The following NRXN3 variants were observed in gnomAD, a reference collection of about 807,000 sequenced individuals.
NRXN3 encodes the protein neurexin III.
Under a neutral mutation model 137.6 loss-of-function variants are expected in NRXN3, and 32 were observed. That is an observed-to-expected ratio of 0.23 (90% CI 0.18 to 0.31). The LOEUF (loss-of-function observed/expected upper bound fraction) is 0.31, where lower values mean the gene tolerates loss of function less well. Among genes scored for constraint, NRXN3 ranks in the 10% least tolerant of loss-of-function variants. NRXN3 has a pLI of 1.00. For synonymous variants in NRXN3, 798 were observed against 784.5 expected (o/e 1.02, Z -0.29); for missense variants, 1,574 against 2,062.5 (o/e 0.76, Z 4.59).
intron 15 of NRXN3, among the ~76,000 whole-genome samples, chr14:79,340,160 G>GGTGT (rs10533702): frequency 2.4e-3 from 357 of 146,722 alleles, no homozygotes; most frequent in African/African-American, 7.9e-3. Context: ...TGAATTTAAG[G>GGTGT]GTGTGTGTGT....
intron 15 of NRXN3, among the ~76,000 whole-genome samples, chr14:79,440,726 C>T (rs562460632): frequency 1.3e-5 from 2 of 152,204 alleles, no homozygotes; most frequent in East Asian, 1.9e-4. Context: ...ATTTTAAAAA[C>T]GACCACACTT....
At chr14:78,949,357 C>T (rs61994058) in intron 10 of NRXN3, among the ~76,000 whole-genome samples, 4,203 of 152,204 alleles carry the variant, frequency 0.028, 95 homozygotes, top group African/African-American at 0.051. Flanking sequence ...TTTCCTGAAT[C>T]GGTTCAATCT....
intron 4 of NRXN3, among the ~76,000 whole-genome samples, chr14:78,323,952 T>C (rs2079719684): frequency 6.6e-6 from 1 of 152,028 alleles, no homozygotes. Context: ...GTGCCAAGGA[T>C]GGAGTGCTTC....
chr14:79,377,026 A>T (rs1443047148), intron 15 of NRXN3, among the ~76,000 whole-genome samples: 1 of 152,220 alleles, frequency 6.6e-6, no homozygotes, highest in African/African-American at 2.4e-5. Flanking sequence ...TGAATATTCC[A>T]TTGGCTGACT....
intron 4 of NRXN3, among the ~76,000 whole-genome samples, chr14:78,391,603 G>A (rs965891565): frequency 6.6e-6 from 1 of 152,086 alleles, no homozygotes; most frequent in Non-Finnish European, 1.5e-5. Flanking sequence ...TATGCACTCA[G>A]CAAGGTGCTA....
chr14:79,862,011 C>A lies in NRXN3; in HGVS notation c.*47C>A. 2 of 1,434,580 alleles carry A rather than the reference C, an allele frequency of 1.4e-6. No individual in the cohort carries two copies. Among genetic ancestry groups the A allele is most frequent in the South Asian group, 1.3e-5 (1 of 75,694 alleles). The allele number at this position is 1,434,580 out of a possible 1,614,324, so 88.9% of individuals were successfully genotyped here. A position where few individuals can be genotyped will look rare whatever the true frequency, so the allele number is the denominator to read the frequency against. ...GCGAGTTTTCACAGTTATTTCTATC[C>A]ACGCCTATGAATCTTTGGACGGTGA... On this transcript the variant is annotated 3_prime_UTR_variant, in exon 21 of 21. Transcript: ENST00000335750.
intron 15 of NRXN3, among the ~76,000 whole-genome samples, chr14:79,096,211 A>T (rs556956547): frequency 6.6e-6 from 1 of 151,296 alleles, no homozygotes; most frequent in South Asian, 2.1e-4. Context: ...GGGTTCAAGC[A>T]GTTCTCCTGC....
intron 4 of NRXN3, among the ~76,000 whole-genome samples, chr14:78,456,822 T>TTTCC (rs1213895508): frequency 2.6e-4 from 33 of 125,444 alleles, no homozygotes; most frequent in Non-Finnish European, 1.8e-4. Context: ...TCTTTCTTTC[T>TTTCC]TTCTTTCTTT....
rs867338830 is a variant in NRXN3, at chr14:78,943,645, T to A, written c.2276-13597T>A. ...AAATATATATATATATATATATATA[T>A]ATATATATATATATATATATATATA... On this transcript the variant is annotated intron_variant, in intron 10 of 20. Coordinates refer to ENST00000335750, the MANE Select transcript of NRXN3 (RefSeq NM_001330195.2). Among the ~76,000 whole-genome samples, 139 of 51,068 alleles carry A rather than the reference T, an allele frequency of 2.7e-3. 12 individuals carry two copies. The highest frequency in any genetic ancestry group is 0.021 in the East Asian group (25 of 1,190). 33.5% of individuals were successfully genotyped at this position (51,068 alleles called of 152,430 possible).
At chr14:79,219,724 T>A (rs1204280787) in intron 15 of NRXN3, among the ~76,000 whole-genome samples, 3 of 149,530 alleles carry the variant, frequency 2.0e-5, no homozygotes, top group Non-Finnish European at 1.5e-5. Flanking sequence ...TGTTTCTATA[T>A]CTGACGGTCA....
Position 78,419,961 on chromosome 14 carries a change from G to GCACACACACACA in NRXN3, c.757+122115_757+122126dup, listed in dbSNP as rs1256574515. ...CACGTGTGTGCGCGCGCGCGCGCAC[G>GCACACACACACA]CACACACACACACACACACACACAC... On this transcript the variant is annotated intron_variant, in intron 4 of 20. Transcript: ENST00000335750. Among the ~76,000 whole-genome samples the GCACACACACACA allele has an allele frequency of 8.8e-3, 434 of 49,228 alleles. 14 individuals carry two copies. The South Asian group carries it at 0.089, about 10-fold the overall frequency. 32.3% of individuals were successfully genotyped at this position (49,228 alleles called of 152,430 possible).
At chr14:79,422,347 G>A (rs1224710651) in intron 15 of NRXN3, among the ~76,000 whole-genome samples, 3 of 152,096 alleles carry the variant, frequency 2.0e-5, no homozygotes, top group Admixed American at 1.3e-4. Context: ...ACAGGCATGA[G>A]CCACCAGGCC....
chr14:78,558,066 G>A (rs1200058345), intron 4 of NRXN3, among the ~76,000 whole-genome samples: 2 of 152,246 alleles, frequency 1.3e-5, no homozygotes, highest in African/African-American at 4.8e-5. Context: ...GTAAGTGGTA[G>A]AGCAGCATTT....
At chr14:79,670,185 C>G (rs552135277) in intron 17 of NRXN3, among the ~76,000 whole-genome samples, 5 of 152,150 alleles carry the variant, frequency 3.3e-5, no homozygotes, top group South Asian at 4.1e-4. Flanking sequence ...CTACAATATG[C>G]CATCTTTTAT....
intron 4 of NRXN3, among the ~76,000 whole-genome samples, chr14:78,594,910 T>C (rs1427508143): frequency 6.6e-6 from 1 of 152,230 alleles, no homozygotes; most frequent in African/African-American, 2.4e-5. Flanking sequence ...CAGGAGTAAC[T>C]CCACATCTTT....
chr14:78,324,864 C>A (rs759690485), intron 4 of NRXN3, among the ~76,000 whole-genome samples: 1 of 151,868 alleles, frequency 6.6e-6, no homozygotes, highest in African/African-American at 2.4e-5. Flanking sequence ...CCTTAGCTTT[C>A]GGGGTGTGAT....
At chr14:79,170,157 A>C (rs922506029) in intron 15 of NRXN3, among the ~76,000 whole-genome samples, 4 of 152,142 alleles carry the variant, frequency 2.6e-5, no homozygotes, top group Non-Finnish European at 4.4e-5. Flanking sequence ...TCTATTAAGC[A>C]CTATTGTGGA....
At chr14:78,573,891 G>T (rs889826733) in intron 4 of NRXN3, among the ~76,000 whole-genome samples, 1 of 152,210 alleles carries the variant, frequency 6.6e-6, no homozygotes, top group Non-Finnish European at 1.5e-5. Flanking sequence ...GATATTCAGA[G>T]ATCTTCATGG....
At chr14:78,934,191 A>G (rs2099329347) in intron 10 of NRXN3, among the ~76,000 whole-genome samples, 1 of 151,618 alleles carries the variant, frequency 6.6e-6, no homozygotes, top group Non-Finnish European at 1.5e-5. Flanking sequence ...CCCCAAAACC[A>G]AAGCACTGAA....
Sources: gnomAD v4.1 joint callset for allele counts (sites outside exome capture counted in the v4.1 genomes callset) on GRCh38, gnomAD v4.1.1 for gene constraint, MANE v1.5 for transcripts, NCBI Gene and HGNC (gene_info 2026-07-23, HGNC 2026-07-21) for gene names.